Variants in DDX31 observed in about 807,000 individuals in gnomAD.
DDX31 encodes DEAD-box helicase 31.
DDX31 carries 70 observed loss-of-function variants against 91.3 expected under a neutral mutation model. The observed-to-expected ratio is 0.77, with a 90% CI of 0.63 to 0.94. DDX31 has a LOEUF of 0.94. Among genes scored for constraint, DDX31 ranks in the 40% least tolerant of loss-of-function variants. DDX31 has a pLI of 0.00. For synonymous variants in DDX31, 362 were observed against 350.6 expected (o/e 1.03, Z -0.36); for missense variants, 902 against 925.0 (o/e 0.98, Z 0.32).
chr9:132,630,391 AT>A lies in DDX31; in HGVS notation c.1503del (p.Ser502LeufsTer56). The A allele has an allele frequency of 6.3e-7, 1 of 1,594,882 alleles. No homozygotes were observed. Among genetic ancestry groups the A allele is most frequent in the Non-Finnish European group, 8.6e-7 (1 of 1,164,612 alleles). On this transcript the variant is annotated frameshift_variant, in exon 16 of 20. Coordinates refer to ENST00000372159, the MANE Select transcript of DDX31 (RefSeq NM_022779.9). LOFTEE classifies it high-confidence loss of function. ...CGGTGGATGTATTCTGCAGGTGAAG[AT>A]GGAGCGTTGTACTAAAAAGGGTAAC... Reference protein sequence around the residue: ...QVTWIVQYNAPSSPAEYIHRI... With the variant: ...QVTWIVQYNAXSSPAEYIHRI...
intron 13 of DDX31, among the ~76,000 whole-genome samples, chr9:132,643,169 A>G (rs1019013125): frequency 5.3e-5 from 8 of 152,148 alleles, no homozygotes; most frequent in Non-Finnish European, 8.8e-5. Flanking sequence ...ATCTCTATAA[A>G]TAAGTCACTG....
At chr9:132,612,055 C>A (rs1156308813) in intron 19 of DDX31, 32 bp downstream of exon 19, 1 of 1,602,758 alleles carries the variant, frequency 6.2e-7, no homozygotes, top group Admixed American at 1.7e-5. Context: ...AGCTCTCTAG[C>A]CCCGTCACGG....
intron 14 of DDX31, chr9:132,638,029 G>C: frequency 1.7e-6 from 2 of 1,151,996 alleles, no homozygotes; most frequent in Non-Finnish European, 1.1e-6. Flanking sequence ...AAAAAAATAC[G>C]GAGAAGGTGG....
chr9:132,639,598 A>ATTGTATGC (rs1188860359), intron 14 of DDX31, among the ~76,000 whole-genome samples: 1 of 152,220 alleles, frequency 6.6e-6, no homozygotes, highest in Non-Finnish European at 1.5e-5. Context: ...AAGGAAAGTG[A>ATTGTATGC]TTGTATGCTT....
chr9:132,653,581 T>C (rs1031253470), intron 6 of DDX31, among the ~76,000 whole-genome samples: 1 of 72,126 alleles, frequency 1.4e-5, no homozygotes, highest in Non-Finnish European at 3.2e-5. Context: ...ACAAAAAAGA[T>C]AAAAGGAATA....
chr9:132,652,393 G>A (rs1304766305), intron 7 of DDX31, 55 bp downstream of exon 7: 9 of 1,607,578 alleles, frequency 5.6e-6, no homozygotes, highest in South Asian at 1.1e-5. Flanking sequence ...TAAATTCAAC[G>A]GGACATTAGT....
intron 7 of DDX31, 129 bp from the exon 8 acceptor site, chr9:132,651,245 A>T: frequency 1.3e-6 from 1 of 748,320 alleles, no homozygotes. Context: ...AAAATCCTAT[A>T]CACAGAATCT....
At chr9:132,600,968 T>C (rs908126867) in intron 19 of DDX31, among the ~76,000 whole-genome samples, 1 of 152,230 alleles carries the variant, frequency 6.6e-6, no homozygotes, top group Non-Finnish European at 1.5e-5. Flanking sequence ...TACATTTTAA[T>C]TCTGTGAAAG....
intron 1 of DDX31, among the ~76,000 whole-genome samples, chr9:132,669,292 A>C (rs1327388381): frequency 7.9e-6 from 1 of 126,942 alleles, no homozygotes; most frequent in Non-Finnish European, 1.6e-5. Flanking sequence ...AGCCATTTCA[A>C]AATGTGGCAA....
At chr9:132,645,495 A>C (rs1833772936) in intron 13 of DDX31, among the ~76,000 whole-genome samples, 1 of 152,120 alleles carries the variant, frequency 6.6e-6, no homozygotes, top group Non-Finnish European at 1.5e-5. Flanking sequence ...TAATGCTCTT[A>C]ATTTGAAGAC....
intron 6 of DDX31, among the ~76,000 whole-genome samples, chr9:132,655,595 T>G (rs558330418): frequency 6.6e-6 from 1 of 152,328 alleles, no homozygotes; most frequent in African/African-American, 2.4e-5. Flanking sequence ...TAGATGACTT[T>G]ACTTTTCGCT....
In DDX31 at chr9:132,594,551, C is replaced by T. The variant is rs1335433336; in HGVS notation, c.*315G>A. 3 of 272,610 alleles carry T rather than the reference C, an allele frequency of 1.1e-5. No homozygotes were observed. Among genetic ancestry groups the T allele is most frequent in the Non-Finnish European group, 1.4e-5 (2 of 143,678 alleles). 16.9% of individuals were successfully genotyped at this position (272,610 alleles called of 1,614,324 possible). A position where few individuals can be genotyped will look rare whatever the true frequency, so the allele number is the denominator to read the frequency against. ...TGACGCGCAGGGCGTTCTTACATCA[C>T]ATCCCGGGGTGCCAGCTCAACCCCG... On this transcript the variant is annotated 3_prime_UTR_variant, in exon 20 of 20. Coordinates refer to ENST00000372159, the MANE Select transcript of DDX31 (RefSeq NM_022779.9).
intron 6 of DDX31, chr9:132,658,021 T>G (rs536674751): frequency 8.5e-6 from 3 of 351,056 alleles, no homozygotes; most frequent in African/African-American, 6.2e-5. Context: ...AAACACCACA[T>G]TGGAACTTAG....
At chr9:132,666,501 T>C (rs1835314817) in intron 1 of DDX31, among the ~76,000 whole-genome samples, 1 of 151,894 alleles carries the variant, frequency 6.6e-6, no homozygotes, top group African/African-American at 2.4e-5. Flanking sequence ...TATAATAAAT[T>C]TGTATTAATA....
At chr9:132,635,057 T>G (rs1833022573) in intron 14 of DDX31, among the ~76,000 whole-genome samples, 1 of 152,196 alleles carries the variant, frequency 6.6e-6, no homozygotes, top group Non-Finnish European at 1.5e-5. Context: ...GACAACTGGA[T>G]TTGTCTAACT....
At chr9:132,644,642 C>A (rs1203556941) in intron 13 of DDX31, among the ~76,000 whole-genome samples, 3 of 152,196 alleles carry the variant, frequency 2.0e-5, no homozygotes, top group South Asian at 4.1e-4. Context: ...AATTCCTAGA[C>A]CATTCTGAGT....
chr9:132,609,409 C>T (rs1370777370), intron 19 of DDX31, among the ~76,000 whole-genome samples: 3 of 152,110 alleles, frequency 2.0e-5, no homozygotes, highest in Non-Finnish European at 4.4e-5. Flanking sequence ...CTCTCCCTAG[C>T]GGCTTCTCAA....
chr9:132,645,094 T>C (rs901339761), intron 13 of DDX31, among the ~76,000 whole-genome samples: 3 of 152,230 alleles, frequency 2.0e-5, no homozygotes, highest in Non-Finnish European at 4.4e-5. Context: ...TTTCTAGTTT[T>C]CTTTCACACT....
intron 1 of DDX31, among the ~76,000 whole-genome samples, chr9:132,668,686 G>A (rs1476353418): frequency 1.3e-5 from 2 of 151,698 alleles, no homozygotes; most frequent in East Asian, 3.9e-4. Context: ...TCCTGCCTCA[G>A]CCTCCCGAGT....
Sources: allele counts gnomAD v4.1 joint callset (sites outside exome capture counted in the v4.1 genomes callset), GRCh38; gene constraint gnomAD v4.1.1; transcripts MANE v1.5; gene names NCBI Gene and HGNC (gene_info 2026-07-23, HGNC 2026-07-21).